The following SLC25A20 variants were observed in gnomAD, a reference collection of about 807,000 sequenced individuals.
The protein encoded by SLC25A20 is mitochondrial carnitine/acylcarnitine carrier protein.
In SLC25A20, 29 loss-of-function variants were observed where a neutral mutation model predicts 39.7. The ratio of observed to expected loss-of-function variants is 0.73; its 90% CI spans 0.54 to 1.00. SLC25A20 has a LOEUF of 1.00. SLC25A20 is among the 50% of genes least tolerant of loss of function. SLC25A20 has a pLI of 0.00. For missense variants in SLC25A20, 333 were observed against 379.9 expected (o/e 0.88, Z 1.03); for synonymous variants, 103 against 142.2 (o/e 0.72, Z 1.96).
intron 3 of SLC25A20, among the ~76,000 whole-genome samples, chr3:48,881,920 CAT>C (rs2083798181): frequency 6.6e-6 from 1 of 152,228 alleles, no homozygotes; most frequent in African/African-American, 2.4e-5. Flanking sequence ...TTCAGAGAGT[CAT>C]AAGGATCCCA....
At chr3:48,870,778 TAGG>T (rs2083709004) in intron 4 of SLC25A20, among the ~76,000 whole-genome samples, 1 of 150,730 alleles carries the variant, frequency 6.6e-6, no homozygotes, top group Non-Finnish European at 1.5e-5. Flanking sequence ...CCCAAAGCGC[TAGG>T]ATGATAGGCC....
chr3:48,870,271 T>C (rs2083703566), intron 4 of SLC25A20, among the ~76,000 whole-genome samples: 1 of 152,078 alleles, frequency 6.6e-6, no homozygotes, highest in South Asian at 2.1e-4. Context: ...GGTGATGGCA[T>C]GAACCTGTAG....
intron 4 of SLC25A20, among the ~76,000 whole-genome samples, chr3:48,879,050 T>C (rs780946186): frequency 5.9e-5 from 9 of 151,990 alleles, no homozygotes; most frequent in Non-Finnish European, 1.0e-4. Context: ...TTTGTATTTT[T>C]AGTAGAGACG....
rs1178475298 is a variant in SLC25A20 at position 48,892,044 on chromosome 3, A to G, written c.134T>C (p.Leu45Ser). 1 of 1,614,014 alleles carries G rather than the reference A, an allele frequency of 6.2e-7. No individual in the cohort carries two copies. The highest frequency in any genetic ancestry group is 8.5e-7 in the Non-Finnish European group (1 of 1,179,998). ...KVRLQTQPPS[L>S]PGQPPMYSGT... is the part of the protein sequence containing the mutation. ...AGAGTACATGGGAGGTTGTCCAGGC[A>G]AACTCGGTGGCTGTGTCTGCAGTCG... Residue 45 changes from leucine (L) to serine (S), a missense_variant, in exon 2 of 9, where the codon TTG becomes TCG. Transcript: ENST00000319017.
At chr3:48,857,854 C>T (rs2083592027) in intron 8 of SLC25A20, 82 bp from the exon 9 acceptor site, 4 of 1,300,192 alleles carry the variant, frequency 3.1e-6, no homozygotes, top group South Asian at 2.5e-5. Context: ...TTTGCTGGCC[C>T]TGTCAGGACC....
At chr3:48,881,216 A>C (rs1470128275) in intron 3 of SLC25A20, among the ~76,000 whole-genome samples, 1 of 152,216 alleles carries the variant, frequency 6.6e-6, no homozygotes, top group Non-Finnish European at 1.5e-5. Context: ...AGCCAAGCTG[A>C]CTGTCAAACA....
chr3:48,890,933 C>T (rs571995492), intron 2 of SLC25A20, among the ~76,000 whole-genome samples: 1 of 152,068 alleles, frequency 6.6e-6, no homozygotes, highest in Non-Finnish European at 1.5e-5. Context: ...GGATCACAGG[C>T]GTGAGCCAGC....
intron 3 of SLC25A20, among the ~76,000 whole-genome samples, chr3:48,882,842 T>C (rs1042272520): frequency 6.6e-6 from 1 of 151,812 alleles, no homozygotes; most frequent in Non-Finnish European, 1.5e-5. Flanking sequence ...TGAGTCGTGA[T>C]TGCACCACTG....
At chr3:48,891,947 G>T in intron 2 of SLC25A20, 33 bp downstream of exon 2, 2 of 1,506,552 alleles carry the variant, frequency 1.3e-6, no homozygotes, top group South Asian at 2.3e-5. Context: ...AATGTGTTCT[G>T]AGTAAGAGGA....
chr3:48,873,638 T>A (rs2083733674), intron 4 of SLC25A20, among the ~76,000 whole-genome samples: 1 of 147,650 alleles, frequency 6.8e-6, no homozygotes, highest in African/African-American at 2.5e-5. Flanking sequence ...AAATAAAACT[T>A]GTAAAAAAAA....
chr3:48,882,260 C>A (rs1387148382), intron 3 of SLC25A20, among the ~76,000 whole-genome samples: 1 of 152,336 alleles, frequency 6.6e-6, no homozygotes, highest in East Asian at 1.9e-4. Flanking sequence ...ACTCTTCATA[C>A]CCAAATCCAA....
At chr3:48,894,304 C>G (rs1014477907) in intron 1 of SLC25A20, among the ~76,000 whole-genome samples, 1 of 144,886 alleles carries the variant, frequency 6.9e-6, no homozygotes, top group African/African-American at 2.5e-5. Context: ...CTTGCTCTGT[C>G]ACCCAGGCTG....
intron 1 of SLC25A20, among the ~76,000 whole-genome samples, chr3:48,894,435 ATT>A (rs781601028): frequency 1.6e-4 from 19 of 118,420 alleles, no homozygotes; most frequent in Admixed American, 1.7e-4. Context: ...TAACTTTTGC[ATT>A]TTTTTTTTTT....
At position 48,857,767 on chromosome 3, in the gene SLC25A20, A is replaced by G; in HGVS notation, c.849T>C (p.Cys283=). Reference sequence around the variant, plus strand: ...TCATGGCAACTTCAAAGCCAAGGAAACAGGCCTAAGAAGGGATTGGGAGGA... The same window carrying G: ...TCATGGCAACTTCAAAGCCAAGGAAGCAGGCCTAAGAAGGGATTGGGAGGA... The part of the protein sequence containing the change: ...MIRAFPANAA[C]FLGFEVAMKF... The change falls in exon 9 of 9, where the codon TGT becomes TGC. Residue 283 remains cysteine (C), a synonymous_variant. Transcript: ENST00000319017. 6.2e-7 allele frequency: 1 copy of G among 1,613,752 alleles called. No homozygotes were observed. The highest frequency in any genetic ancestry group is 8.5e-7 in the Non-Finnish European group (1 of 1,179,894).
chr3:48,891,724 C>T (rs1005980711), intron 2 of SLC25A20, among the ~76,000 whole-genome samples: 3 of 152,132 alleles, frequency 2.0e-5, no homozygotes, highest in African/African-American at 4.8e-5. Flanking sequence ...ACTAGTTCTC[C>T]GTCGTCTAAA....
intron 4 of SLC25A20, among the ~76,000 whole-genome samples, chr3:48,878,566 G>A (rs530320065): frequency 2.8e-4 from 43 of 151,926 alleles, no homozygotes; most frequent in Non-Finnish European, 5.3e-4. Flanking sequence ...TTCAGAGGCC[G>A]AGGCAGGTGG....
At chr3:48,865,942 A>G (rs1023960448) in intron 4 of SLC25A20, among the ~76,000 whole-genome samples, 3 of 151,226 alleles carry the variant, frequency 2.0e-5, no homozygotes, top group African/African-American at 4.9e-5. Context: ...CATCCTGGCC[A>G]ACATGGTGAA....
chr3:48,871,785 A>AG (rs1301761679), intron 4 of SLC25A20, among the ~76,000 whole-genome samples: 9 of 150,550 alleles, frequency 6.0e-5, no homozygotes, highest in Non-Finnish European at 8.9e-5. Flanking sequence ...AAAAAAAAAA[A>AG]AGAGAGAGAG....
chr3:48,885,787 C>G (rs2083825207), intron 2 of SLC25A20, among the ~76,000 whole-genome samples: 1 of 151,760 alleles, frequency 6.6e-6, no homozygotes. Flanking sequence ...GGCAACACAG[C>G]AAAATTCCAT....
Sources: gnomAD v4.1 joint callset for allele counts (sites outside exome capture counted in the v4.1 genomes callset) on GRCh38, gnomAD v4.1.1 for gene constraint, MANE v1.5 for transcripts, NCBI Gene and HGNC (gene_info 2026-07-23, HGNC 2026-07-21) for gene names.